STRBP: variants seen among roughly 807,000 people sequenced by gnomAD.
The protein encoded by STRBP is spermatid perinuclear RNA-binding protein.
In STRBP, 13 loss-of-function variants were observed where a neutral mutation model predicts 80.1. The ratio of observed to expected loss-of-function variants is 0.16; its 90% CI spans 0.11 to 0.26. STRBP has a LOEUF of 0.26. STRBP is among the 10% of genes least tolerant of loss of function. STRBP has a pLI of 1.00. For synonymous variants in STRBP, 284 were observed against 291.2 expected (o/e 0.98, Z 0.25); for missense variants, 485 against 815.2 (o/e 0.59, Z 4.93).
At chr9:123,229,726 A>G (rs1200415149) in intron 2 of STRBP, among the ~76,000 whole-genome samples, 1 of 152,188 alleles carries the variant, frequency 6.6e-6, no homozygotes, top group Non-Finnish European at 1.5e-5. Context: ...TCCTTAGTGA[A>G]GTAAGTAGCA....
chr9:123,178,024 C>T (rs2038295734), intron 4 of STRBP, among the ~76,000 whole-genome samples: 1 of 152,052 alleles, frequency 6.6e-6, no homozygotes, highest in African/African-American at 2.4e-5. Context: ...GTGACAAGAC[C>T]ATGACCAGAC....
At chr9:123,251,109 T>C (rs2040905527) in intron 1 of STRBP, among the ~76,000 whole-genome samples, 1 of 152,310 alleles carries the variant, frequency 6.6e-6, no homozygotes, top group Admixed American at 6.5e-5. Flanking sequence ...GCCTGGGCAG[T>C]GGAGAGAGAG....
intron 2 of STRBP, among the ~76,000 whole-genome samples, chr9:123,197,953 C>T (rs1046205538): frequency 6.6e-6 from 1 of 151,954 alleles, no homozygotes; most frequent in African/African-American, 2.4e-5. Flanking sequence ...GGATTACAGG[C>T]GTGAGCCACG....
intron 1 of STRBP, among the ~76,000 whole-genome samples, chr9:123,263,882 T>C (rs1458767647): frequency 3.9e-5 from 6 of 152,196 alleles, no homozygotes; most frequent in Admixed American, 3.9e-4. Context: ...TTATTTCTGA[T>C]ATAAGAATTG....
intron 3 of STRBP, among the ~76,000 whole-genome samples, chr9:123,183,141 T>A (rs900279243): frequency 6.6e-6 from 1 of 151,948 alleles, no homozygotes; most frequent in African/African-American, 2.4e-5. Context: ...ACTGGTAATG[T>A]GTTTTTAAAA....
chr9:123,197,663 A>ATT (rs1342621591), intron 2 of STRBP, among the ~76,000 whole-genome samples: 1 of 77,482 alleles, frequency 1.3e-5, no homozygotes, highest in Non-Finnish European at 2.6e-5. Flanking sequence ...TGTGAAACAT[A>ATT]TTTCTTTTTT....
rs1044187423 is a variant in STRBP at position 123,136,589 on chromosome 9, A to G, written c.1498-74T>C. On this transcript the variant is annotated intron_variant, in intron 14 of 18. Transcript: ENST00000348403. This position sits in a 1 kb window ranked among gnomAD's most constrained non-coding sequence, Gnocchi z 4.2. ...TATTACATTTCTTATTAATACAATT[A>G]TGCTAAGAAGGAGGCTCAAAAATTC... is the stretch of plus-strand genomic sequence containing the variant. 2.0e-6 allele frequency: 3 copies of G among 1,533,076 alleles called. No individual in the cohort carries two copies. In the Admixed American group the frequency reaches 5.9e-5, roughly 30 times the overall value. 95.0% of individuals were successfully genotyped at this position (1,533,076 alleles called of 1,614,324 possible).
intron 17 of STRBP, among the ~76,000 whole-genome samples, chr9:123,128,658 T>C (rs1322657923): frequency 6.6e-6 from 1 of 152,230 alleles, no homozygotes; most frequent in East Asian, 1.9e-4. Flanking sequence ...TCTCTAAATA[T>C]AATTTGTTGA....
chr9:123,248,137 C>G (rs1055090361), intron 1 of STRBP, among the ~76,000 whole-genome samples: 3 of 151,884 alleles, frequency 2.0e-5, no homozygotes, highest in Non-Finnish European at 4.4e-5. Flanking sequence ...TATTTCTATT[C>G]TATTCTAATG....
At chr9:123,161,783 C>T (rs964388882) in intron 6 of STRBP, among the ~76,000 whole-genome samples, 4 of 152,096 alleles carry the variant, frequency 2.6e-5, no homozygotes, top group Non-Finnish European at 1.5e-5. Context: ...TTCAGCTTGC[C>T]TTAATAATTT....
intron 1 of STRBP, among the ~76,000 whole-genome samples, chr9:123,252,174 T>C (rs2132632692): frequency 6.6e-6 from 1 of 152,138 alleles, no homozygotes; most frequent in East Asian, 1.9e-4. Context: ...AGAAGAAACG[T>C]GCTGATTGCA....
At chr9:123,234,200 CA>C (rs59309974) in intron 2 of STRBP, among the ~76,000 whole-genome samples, 11,274 of 72,234 alleles carry the variant, frequency 0.16, 1,185 homozygotes, top group East Asian at 0.64. Flanking sequence ...GACGCCGTGT[CA>C]AAAAAAAAAA....
intron 2 of STRBP, among the ~76,000 whole-genome samples, chr9:123,200,995 C>T (rs2039306372): frequency 6.6e-6 from 1 of 151,756 alleles, no homozygotes; most frequent in Non-Finnish European, 1.5e-5. Context: ...TTGACCATTT[C>T]CTCTGGCTTT....
chr9:123,130,830 T>C (rs550690282), intron 17 of STRBP, among the ~76,000 whole-genome samples: 1 of 152,252 alleles, frequency 6.6e-6, no homozygotes, highest in East Asian at 1.9e-4. Context: ...CTCTTCTTTC[T>C]ATATATTCAA....
At chr9:123,230,467 T>C (rs999767599) in intron 2 of STRBP, among the ~76,000 whole-genome samples, 1 of 152,178 alleles carries the variant, frequency 6.6e-6, no homozygotes, top group African/African-American at 2.4e-5. Context: ...AATACACTTC[T>C]GGGAAGATAG....
chr9:123,235,584 CAAAAAAAAAAAAAAAAAA>C (rs71390421), intron 2 of STRBP, among the ~76,000 whole-genome samples: 7 of 36,496 alleles, frequency 1.9e-4, no homozygotes, highest in Non-Finnish European at 2.9e-4. Context: ...ACAAGTTCAG[CAAAAAAAAAAAAAAAAAA>C]AAAAAAAAAA....
intron 6 of STRBP, among the ~76,000 whole-genome samples, chr9:123,169,473 G>C (rs1033993047): frequency 1.3e-5 from 2 of 152,014 alleles, no homozygotes; most frequent in Non-Finnish European, 2.9e-5. Context: ...GCCCAACCAG[G>C]ATGCAAGTAA....
Position 123,147,838 on chromosome 9 carries a change from C to G in STRBP, c.1078G>C (p.Glu360Gln). The change falls in exon 12 of 19, where the codon GAA (glutamate) becomes CAA (glutamine). Residue 360 changes from glutamate (E) to glutamine (Q), a missense_variant. This residue lies in a region of STRBP where 377 missense variants were observed against 616.1 expected (regional missense o/e 0.61). Coordinates refer to ENST00000348403, the MANE Select transcript of STRBP (RefSeq NM_018387.5). ...TCTTTATCATCCCCTAATCCATCTTCAAATGGCCTCTTTAGAGCTGAAGAC... is the reference window on the plus strand; with the variant it reads ...TCTTTATCATCCCCTAATCCATCTTGAAATGGCCTCTTTAGAGCTGAAGAC... ...AGSSALKRPF[E>Q]DGLGDDKDPN... 1 of 1,612,828 alleles carries G rather than the reference C, an allele frequency of 6.2e-7. No homozygotes were observed. The highest frequency in any genetic ancestry group is 1.7e-4 in the Middle Eastern group (1 of 6,058).
intron 2 of STRBP, among the ~76,000 whole-genome samples, chr9:123,214,136 A>G (rs1175603455): frequency 7.1e-6 from 1 of 140,562 alleles, no homozygotes; most frequent in Admixed American, 7.1e-5. Context: ...GTATATATAT[A>G]TATATGTATA....
Sources: allele counts gnomAD v4.1 joint callset (sites outside exome capture counted in the v4.1 genomes callset), GRCh38; gene constraint gnomAD v4.1.1; regional missense constraint gnomAD v4.1.1; non-coding constraint Gnocchi (gnomAD v3.1); transcripts MANE v1.5; gene names NCBI Gene and HGNC (gene_info 2026-07-23, HGNC 2026-07-21).